Variants in LRCH1 observed in about 807,000 individuals in gnomAD.
LRCH1 encodes leucine rich repeats and calponin homology domain containing 1.
LRCH1 carries 23 observed loss-of-function variants against 94.9 expected under a neutral mutation model. That is an observed-to-expected ratio of 0.24 (90% confidence interval 0.17 to 0.34). The LOEUF is 0.34. Among genes scored for constraint, LRCH1 ranks in the 10% least tolerant of loss-of-function variants. LRCH1 has a pLI of 1.00. For missense variants in LRCH1, 790 were observed against 945.9 expected, an observed-to-expected ratio of 0.84 and a Z score of 2.16; for synonymous variants, 364 against 354.9, an observed-to-expected ratio of 1.03 and a Z score of -0.29.
chr13:46,624,204 C>G (rs1029635133), intron 1 of LRCH1, among the ~76,000 whole-genome samples: 1 of 152,092 alleles, frequency 6.6e-6, no homozygotes, highest in African/African-American at 2.4e-5. Context: ...ACTTGCAATA[C>G]CTTTTCTGCA....
intron 1 of LRCH1, among the ~76,000 whole-genome samples, chr13:46,623,372 A>G (rs929788874): frequency 6.6e-6 from 1 of 152,170 alleles, no homozygotes; most frequent in Non-Finnish European, 1.5e-5. Context: ...TAATGGGGAG[A>G]AAGTAAATAT....
intron 1 of LRCH1, among the ~76,000 whole-genome samples, chr13:46,560,375 C>T (rs912435): frequency 0.2 from 30,983 of 151,996 alleles, 4,970 homozygotes; most frequent in African/African-American, 0.45. Context: ...GGCCACTTTT[C>T]AGAATTTCTT....
At chr13:46,626,376 A>C (rs2050950167) in intron 1 of LRCH1, among the ~76,000 whole-genome samples, 1 of 152,212 alleles carries the variant, frequency 6.6e-6, no homozygotes, top group South Asian at 2.1e-4. Context: ...CAAGAGAAGT[A>C]AAAATAGCCT....
intron 1 of LRCH1, among the ~76,000 whole-genome samples, chr13:46,624,901 A>G (rs1408618803): frequency 1.3e-5 from 2 of 152,246 alleles, no homozygotes; most frequent in South Asian, 2.1e-4. Context: ...AGGCAGATTC[A>G]CTGTAATCAG....
intron 16 of LRCH1, among the ~76,000 whole-genome samples, chr13:46,721,025 A>G (rs1872565501): frequency 6.6e-6 from 1 of 152,236 alleles, no homozygotes; most frequent in African/African-American, 2.4e-5. Context: ...TTCATAGAGC[A>G]AATGCCCACA....
chr13:46,623,819 G>T (rs773844857), intron 1 of LRCH1, among the ~76,000 whole-genome samples: 1 of 149,192 alleles, frequency 6.7e-6, no homozygotes, highest in African/African-American at 2.5e-5. Flanking sequence ...CCATTAACTC[G>T]TCATCTGCAT....
chr13:46,734,979 C>CT (rs373257127), intron 19 of LRCH1, among the ~76,000 whole-genome samples: 6 of 151,876 alleles, frequency 4.0e-5, no homozygotes, highest in African/African-American at 1.5e-4. Context: ...TCCTTCCTTC[C>CT]TTTTTTTTCC....
At chr13:46,705,022 TA>T (rs1871676070) in intron 11 of LRCH1, 45 bp from the exon 12 acceptor site, 2 of 1,036,404 alleles carry the variant, frequency 1.9e-6, no homozygotes, top group South Asian at 2.9e-5. Context: ...TTATTAAAAA[TA>T]AAAGTTTAAT....
chr13:46,657,476 C>T, intron 2 of LRCH1, among the ~76,000 whole-genome samples: 1 of 59,324 alleles, frequency 1.7e-5, no homozygotes, highest in African/African-American at 6.1e-5. Flanking sequence ...TTTCTTCTTT[C>T]ATTTTTACTT....
chr13:46,615,220 C>T (rs1331873780), intron 1 of LRCH1, among the ~76,000 whole-genome samples: 8 of 152,126 alleles, frequency 5.3e-5, no homozygotes, highest in Admixed American at 5.2e-4. Flanking sequence ...AAGCATGGCA[C>T]CAGCATCTGC....
rs767544799 is a variant in LRCH1, at chr13:46,660,034, C to CTTTTTT, written c.453-8986_453-8981dup. Among the ~76,000 whole-genome samples the CTTTTTT allele has an allele frequency of 2.3e-4, 24 of 103,664 alleles. 2 individuals are homozygous for CTTTTTT. The highest frequency in any genetic ancestry group is 3.9e-4 in the Non-Finnish European group (21 of 53,896). The allele number at this position is 103,664 out of a possible 152,430, so 68.0% of individuals were successfully genotyped here. On this transcript the variant is annotated intron_variant, in intron 2 of 19. Transcript: ENST00000389797. ...CACTTTCTGTATTCCTTAGGAGTCA[C>CTTTTTT]TTTTTTTTTTTTTTTGAGACAGGCT...
chr13:46,686,077 G>A, intron 5 of LRCH1, 36 bp downstream of exon 5: 2 of 1,469,338 alleles, frequency 1.4e-6, no homozygotes, highest in Non-Finnish European at 1.8e-6. Flanking sequence ...TGCCCCATGG[G>A]ATGTGCTGTT....
chr13:46,582,438 A>G (rs1387338838), intron 1 of LRCH1, among the ~76,000 whole-genome samples: 1 of 113,694 alleles, frequency 8.8e-6, no homozygotes, highest in African/African-American at 3.5e-5. Context: ...GAGATGCTCT[A>G]TGGTTGCTTT....
intron 16 of LRCH1, among the ~76,000 whole-genome samples, chr13:46,721,389 T>A (rs1050599452): frequency 6.6e-6 from 1 of 152,234 alleles, no homozygotes; most frequent in South Asian, 2.1e-4. Flanking sequence ...TCTTGACCTT[T>A]TTTTGGTAAA....
chr13:46,736,085 C>T (rs958015885), intron 19 of LRCH1, among the ~76,000 whole-genome samples: 3 of 150,902 alleles, frequency 2.0e-5, no homozygotes, highest in African/African-American at 7.3e-5. Context: ...GCATGGGCCA[C>T]TGTGCCTGGC....
At chr13:46,555,766 A>G (rs1225603724) in intron 1 of LRCH1, among the ~76,000 whole-genome samples, 1 of 152,254 alleles carries the variant, frequency 6.6e-6, no homozygotes. Context: ...TATTCATTGC[A>G]GCTAGTTATT....
intron 1 of LRCH1, among the ~76,000 whole-genome samples, chr13:46,635,767 G>A (rs937571204): frequency 5.9e-5 from 9 of 151,976 alleles, no homozygotes; most frequent in Admixed American, 1.3e-4. Context: ...CACCGCACCC[G>A]GCCCCCTCCC....
chr13:46,690,254 C>G (rs1870829405), intron 7 of LRCH1, among the ~76,000 whole-genome samples: 1 of 151,996 alleles, frequency 6.6e-6, no homozygotes, highest in African/African-American at 2.4e-5. Flanking sequence ...GCAGAGAAGG[C>G]CAGTGTCAAT....
chr13:46,646,336 A>G (rs1447901958), intron 1 of LRCH1, among the ~76,000 whole-genome samples: 2 of 152,194 alleles, frequency 1.3e-5, no homozygotes, highest in Non-Finnish European at 1.5e-5. Flanking sequence ...ATGTATCACA[A>G]TGAAATAAGC....
Sources: gnomAD v4.1 joint callset for allele counts (sites outside exome capture counted in the v4.1 genomes callset) on GRCh38, gnomAD v4.1.1 for gene constraint, MANE v1.5 for transcripts, NCBI Gene and HGNC (gene_info 2026-07-23, HGNC 2026-07-21) for gene names.